LINGO2: variants seen among roughly 807,000 people sequenced by gnomAD.
LINGO2 encodes leucine rich repeat and Ig domain containing 2, also known as leucine-rich repeat and immunoglobulin-like domain-containing nogo receptor-interacting protein 2.
In LINGO2, 14 loss-of-function variants were observed where a neutral mutation model predicts 30.6. The observed-to-expected ratio is 0.46, with a 90% CI of 0.30 to 0.72. LINGO2 has a LOEUF of 0.72. Among genes scored for constraint, LINGO2 ranks in the 30% least tolerant of loss-of-function variants. The pLI, the probability that LINGO2 is intolerant of heterozygous loss-of-function variation, is 0.07. For synonymous variants in LINGO2, 317 were observed against 288.5 expected (o/e 1.10, Z -1.00); for missense variants, 729 against 751.7 (o/e 0.97, Z 0.35).
intron 2 of LINGO2, among the ~76,000 whole-genome samples, chr9:28,422,865 CAT>C (rs757892317): frequency 2.0e-4 from 30 of 152,130 alleles, no homozygotes; most frequent in South Asian, 1.0e-3. Flanking sequence ...GAAATTCTGA[CAT>C]GTGCTATAAC....
At chr9:28,005,486 C>A (rs1822217765) in intron 5 of LINGO2, among the ~76,000 whole-genome samples, 1 of 152,094 alleles carries the variant, frequency 6.6e-6, no homozygotes, top group Non-Finnish European at 1.5e-5. Flanking sequence ...TTTTCTTCCC[C>A]ACAGTTTCTA....
the LINGO2 span, among the ~76,000 whole-genome samples, chr9:28,967,863 G>C: frequency 6.6e-6 from 1 of 152,158 alleles, no homozygotes; most frequent in Non-Finnish European, 1.5e-5. Flanking sequence ...AGAAGACAGA[G>C]AAGATTTATG....
chr9:28,560,092 A>G (rs1039181883), intron 1 of LINGO2, among the ~76,000 whole-genome samples: 1 of 151,776 alleles, frequency 6.6e-6, no homozygotes, highest in African/African-American at 2.4e-5. Flanking sequence ...AAAAAAAAAA[A>G]AAAAAGAAAA....
intron 2 of LINGO2, among the ~76,000 whole-genome samples, chr9:28,428,712 T>C (rs1222402186): frequency 6.6e-6 from 1 of 152,126 alleles, no homozygotes; most frequent in African/African-American, 2.4e-5. Context: ...GCTGGTTATA[T>C]GGTAGGTGCA....
chr9:28,815,671 C>T, the LINGO2 span, among the ~76,000 whole-genome samples: 1 of 152,140 alleles, frequency 6.6e-6, no homozygotes, highest in Admixed American at 6.5e-5. Flanking sequence ...CAACAAAAAT[C>T]GAAACCAAGA....
Position 28,452,294 on chromosome 9 carries a change from G to A in LINGO2, c.-279+23646C>T, listed in dbSNP as rs10968606. ...CACATATCTTAAGAAAATAATCATA[G>A]TAAGTAAAATAATAGAACAGCTTTC... On this transcript the variant is annotated intron_variant, in intron 2 of 5. Transcript: ENST00000379992. 7.3e-3 allele frequency among the ~76,000 whole-genome samples: 1,115 copies of A among 151,842 alleles called. 54 individuals carry two copies. In the East Asian group the frequency reaches 0.14, roughly 19 times the overall value.
the LINGO2 span, among the ~76,000 whole-genome samples, chr9:28,883,340 G>A: frequency 6.6e-6 from 1 of 151,318 alleles, no homozygotes; most frequent in East Asian, 2.0e-4. Flanking sequence ...GCCCGGCCTA[G>A]TCTTTTTAAA....
the LINGO2 span, among the ~76,000 whole-genome samples, chr9:28,693,164 C>T: frequency 3.9e-5 from 6 of 152,038 alleles, no homozygotes; most frequent in Non-Finnish European, 7.4e-5. Flanking sequence ...ATAATCCAAG[C>T]GTCAACGTTG....
intron 4 of LINGO2, among the ~76,000 whole-genome samples, chr9:28,162,929 T>C (rs997326822): frequency 4.6e-5 from 7 of 152,160 alleles, no homozygotes; most frequent in African/African-American, 1.7e-4. Flanking sequence ...AGCAGAAGTC[T>C]GATACTAACT....
intron 2 of LINGO2, among the ~76,000 whole-genome samples, chr9:28,391,723 A>T (rs999682033): frequency 6.6e-6 from 1 of 151,746 alleles, no homozygotes; most frequent in Non-Finnish European, 1.5e-5. Flanking sequence ...TTAAAGCCTG[A>T]CCCCTCCTTA....
At chr9:28,378,457 C>G (rs1587574483) in intron 2 of LINGO2, among the ~76,000 whole-genome samples, 1 of 152,114 alleles carries the variant, frequency 6.6e-6, no homozygotes, top group Non-Finnish European at 1.5e-5. Context: ...ATACAGGAAA[C>G]ACTTTAATGA....
intron 4 of LINGO2, among the ~76,000 whole-genome samples, chr9:28,136,504 T>C (rs1023392618): frequency 1.3e-5 from 2 of 152,242 alleles, no homozygotes; most frequent in African/African-American, 2.4e-5. Flanking sequence ...CTAGCAGGGA[T>C]GCTCAGGATT....
intron 5 of LINGO2, among the ~76,000 whole-genome samples, chr9:27,955,905 G>A (rs1819537782): frequency 7.0e-6 from 1 of 142,190 alleles, no homozygotes; most frequent in Non-Finnish European, 1.5e-5. Context: ...AGTTTCATGT[G>A]TTCCATATCC....
At chr9:28,588,194 C>T (rs1824663984) in intron 1 of LINGO2, among the ~76,000 whole-genome samples, 1 of 152,006 alleles carries the variant, frequency 6.6e-6, no homozygotes, top group Admixed American at 6.6e-5. Flanking sequence ...CTGTTTCTAG[C>T]ATGGTGTTTC....
intron 2 of LINGO2, among the ~76,000 whole-genome samples, chr9:28,462,414 T>TAAAAAAAA (rs61677547): frequency 1.1e-5 from 1 of 89,102 alleles, no homozygotes; most frequent in African/African-American, 4.3e-5. Context: ...ATGCTCTAGC[T>TAAAAAAAA]AAAAAAAAAA....
chr9:28,477,989 C>G (rs1825794691), intron 1 of LINGO2, among the ~76,000 whole-genome samples: 1 of 152,118 alleles, frequency 6.6e-6, no homozygotes, highest in Admixed American at 6.6e-5. Context: ...GGAATCAACC[C>G]TGGAAGGCTC....
At chr9:28,262,183 TTTGAG>T (rs1356962004) in intron 4 of LINGO2, among the ~76,000 whole-genome samples, 1 of 151,904 alleles carries the variant, frequency 6.6e-6, no homozygotes, top group African/African-American at 2.4e-5. Flanking sequence ...TACTTACTTG[TTTGAG>T]TTGTTATGAG....
At chr9:29,150,382 C>T in the LINGO2 span, among the ~76,000 whole-genome samples, 10 of 152,056 alleles carry the variant, frequency 6.6e-5, no homozygotes, top group African/African-American at 2.4e-4. Flanking sequence ...TCCTTACTTC[C>T]AAAGGAGCAC....
At chr9:28,590,221 A>T (rs888169736) in intron 1 of LINGO2, among the ~76,000 whole-genome samples, 1 of 152,098 alleles carries the variant, frequency 6.6e-6, no homozygotes, top group South Asian at 2.1e-4. Context: ...AACCTAGGCA[A>T]TACCATTCAG....
Sources: allele counts gnomAD v4.1 joint callset (sites outside exome capture counted in the v4.1 genomes callset), GRCh38; gene constraint gnomAD v4.1.1; transcripts MANE v1.5; gene names NCBI Gene and HGNC (gene_info 2026-07-23, HGNC 2026-07-21).